The following DEPTOR variants were observed in gnomAD, a reference collection of about 807,000 sequenced individuals.
DEPTOR encodes DEP domain-containing mTOR-interacting protein.
DEPTOR carries 41 observed loss-of-function variants against 41.6 expected under a neutral mutation model. That is an observed-to-expected ratio of 0.98 (90% confidence interval 0.77 to 1.28). The LOEUF (loss-of-function observed/expected upper bound fraction) is 1.28, where lower values mean the gene tolerates loss of function less well. Among genes scored for constraint, DEPTOR ranks in the 50% most tolerant of loss-of-function variants. The pLI is 0.00. For missense variants in DEPTOR, 514 were observed against 527.9 expected, an observed-to-expected ratio of 0.97 and a Z score of 0.26; for synonymous variants, 195 against 192.3, an observed-to-expected ratio of 1.01 and a Z score of -0.12.
intron 1 of DEPTOR, among the ~76,000 whole-genome samples, chr8:119,927,832 C>G (rs938564468): frequency 1.4e-4 from 21 of 151,834 alleles, no homozygotes; most frequent in African/African-American, 5.1e-4. Context: ...GTCTCAAACT[C>G]CTGACCTCAA....
chr8:119,915,337 C>T (rs953356166), intron 1 of DEPTOR, among the ~76,000 whole-genome samples: 2 of 152,140 alleles, frequency 1.3e-5, no homozygotes, highest in Non-Finnish European at 2.9e-5. Context: ...CTAAAATTGT[C>T]CCTGAGACTG....
At chr8:119,883,473 TAAAAAAAA>T (rs386413817) in intron 1 of DEPTOR, among the ~76,000 whole-genome samples, 13 of 112,098 alleles carry the variant, frequency 1.2e-4, no homozygotes, top group African/African-American at 2.1e-4. Context: ...AGACTCGTCT[TAAAAAAAA>T]AAAAAAAAAA....
intron 3 of DEPTOR, among the ~76,000 whole-genome samples, chr8:119,956,670 G>T (rs1157060267): frequency 7.1e-6 from 1 of 141,130 alleles, no homozygotes; most frequent in East Asian, 2.2e-4. Context: ...AAAGTCTCTT[G>T]ATTATCTCCA....
At chr8:119,982,660 T>G (rs1177499243) in intron 4 of DEPTOR, among the ~76,000 whole-genome samples, 2 of 152,140 alleles carry the variant, frequency 1.3e-5, no homozygotes, top group Non-Finnish European at 2.9e-5. Flanking sequence ...ACACTGAGAC[T>G]CCCCACAAAG....
chr8:119,931,660 A>G (rs1043547490), intron 3 of DEPTOR, among the ~76,000 whole-genome samples: 2 of 152,158 alleles, frequency 1.3e-5, no homozygotes, highest in Non-Finnish European at 2.9e-5. Flanking sequence ...GTCTACTATC[A>G]CTTGCTTTCT....
At chr8:120,047,280 C>A (rs1423395875) in intron 8 of DEPTOR, among the ~76,000 whole-genome samples, 3 of 152,164 alleles carry the variant, frequency 2.0e-5, no homozygotes, top group South Asian at 4.1e-4. Flanking sequence ...CTTCGGCCTC[C>A]CAAAGTGCTG....
intron 4 of DEPTOR, among the ~76,000 whole-genome samples, chr8:119,982,091 A>G (rs1374605529): frequency 6.6e-6 from 1 of 151,870 alleles, no homozygotes; most frequent in Non-Finnish European, 1.5e-5. Flanking sequence ...CAGCAGAACA[A>G]TATTATTAAT....
At chr8:119,874,078 C>A in intron 1 of DEPTOR, 110 bp downstream of exon 1, 1 of 1,549,804 alleles carries the variant, frequency 6.5e-7, no homozygotes, top group South Asian at 1.2e-5. Flanking sequence ...TCGCGTGGGG[C>A]GCCGGAACGG....
At chr8:119,959,158 CTTTTTTTTTTTT>C (rs60202859) in intron 3 of DEPTOR, among the ~76,000 whole-genome samples, 9 of 114,850 alleles carry the variant, frequency 7.8e-5, no homozygotes, top group South Asian at 3.1e-4. Flanking sequence ...TTCTTTCTTT[CTTTTTTTTTTTT>C]TTTTTTTTTT....
intron 1 of DEPTOR, among the ~76,000 whole-genome samples, chr8:119,907,672 A>G (rs1827680597): frequency 6.6e-6 from 1 of 152,178 alleles, no homozygotes; most frequent in Non-Finnish European, 1.5e-5. Context: ...GCATGCCTGT[A>G]ATCCCAGTTA....
chr8:119,874,799 C>T (rs1003389116), intron 1 of DEPTOR, among the ~76,000 whole-genome samples: 3 of 152,118 alleles, frequency 2.0e-5, no homozygotes, highest in Non-Finnish European at 4.4e-5. Flanking sequence ...TCCTCTAGGG[C>T]TGTTTGGGAA....
intron 8 of DEPTOR, among the ~76,000 whole-genome samples, chr8:120,033,250 G>A (rs1340226447): frequency 6.6e-6 from 1 of 151,996 alleles, no homozygotes; most frequent in African/African-American, 2.4e-5. Context: ...ACCACGCTCA[G>A]CTAATTTTGT....
chr8:119,906,144 A>G (rs1827660454), intron 1 of DEPTOR, among the ~76,000 whole-genome samples: 3 of 152,170 alleles, frequency 2.0e-5, no homozygotes, highest in South Asian at 4.1e-4. Context: ...TCTGTATATC[A>G]TAAATATACA....
At chr8:120,040,567 C>T (rs1813053360) in intron 8 of DEPTOR, among the ~76,000 whole-genome samples, 2 of 152,082 alleles carry the variant, frequency 1.3e-5, no homozygotes, top group South Asian at 4.2e-4. Flanking sequence ...CCAAAGGTGA[C>T]TCATATTTAC....
chr8:119,946,013 C>T (rs1007784231), intron 3 of DEPTOR, among the ~76,000 whole-genome samples: 3 of 152,136 alleles, frequency 2.0e-5, no homozygotes, highest in Non-Finnish European at 4.4e-5. Flanking sequence ...AAGGCTCCCT[C>T]GGTTGGTCGG....
Position 119,873,804 on chromosome 8 carries a change from CG to C in DEPTOR, c.-41del. The C allele has an allele frequency of 6.2e-7, 1 of 1,605,416 alleles. No homozygotes were observed. The highest frequency in any genetic ancestry group is 8.5e-7 in the Non-Finnish European group (1 of 1,176,010). On this transcript the variant is annotated 5_prime_UTR_variant, in exon 1 of 9. Coordinates refer to ENST00000286234, the MANE Select transcript of DEPTOR (RefSeq NM_022783.4). ...AGACTGATCCGAGCACCCAAACCCTCGGCGGACAGCGGAGCCAGTGGTAGCC... is the reference window on the plus strand; with the variant it reads ...AGACTGATCCGAGCACCCAAACCCTCGCGGACAGCGGAGCCAGTGGTAGCC...
At position 119,886,221 on chromosome 8, in the gene DEPTOR, T is replaced by C. The variant is rs532618594; in HGVS notation, c.122+12253T>C. 9.2e-5 allele frequency among the ~76,000 whole-genome samples: 14 copies of C among 152,344 alleles called. No individual in the cohort carries two copies. The South Asian group carries it at 2.9e-3, about 32-fold the overall frequency. On this transcript the variant is annotated intron_variant, in intron 1 of 8. Coordinates refer to ENST00000286234, the MANE Select transcript of DEPTOR (RefSeq NM_022783.4). Reference sequence around the variant, plus strand: ...GCTCCTTCATGTGCCAGCTCTTTTATTGGTTGGCTTCATCTTCCAGCCAGT... The same window carrying C: ...GCTCCTTCATGTGCCAGCTCTTTTACTGGTTGGCTTCATCTTCCAGCCAGT...
At chr8:119,965,073 CAAAG>C in intron 3 of DEPTOR, among the ~76,000 whole-genome samples, 155 bp from the exon 4 acceptor site, 1 of 152,152 alleles carries the variant, frequency 6.6e-6, no homozygotes, top group South Asian at 2.1e-4. Flanking sequence ...AAATCTGTCT[CAAAG>C]AAAGAAAAAA....
chr8:119,873,826 T>C lies in DEPTOR; in HGVS notation c.-21T>C. 2 of 1,608,670 alleles carry C rather than the reference T, an allele frequency of 1.2e-6. No individual in the cohort carries two copies. Among genetic ancestry groups the C allele is most frequent in the East Asian group, 2.3e-5 (1 of 44,402 alleles). On this transcript the variant is annotated 5_prime_UTR_variant, in exon 1 of 9. Transcript: ENST00000286234. The stretch of plus-strand genomic sequence containing the variant: ...CCTCGGCGGACAGCGGAGCCAGTGG[T>C]AGCCGCACGGCCCTAAAACCATGGA...
Sources: allele counts gnomAD v4.1 joint callset (sites outside exome capture counted in the v4.1 genomes callset), GRCh38; gene constraint gnomAD v4.1.1; transcripts MANE v1.5; gene names NCBI Gene and HGNC (gene_info 2026-07-23, HGNC 2026-07-21).